Variants in NALF1 observed in about 807,000 individuals in gnomAD.
The protein encoded by NALF1 is family with sequence similarity 155 member A.
A neutral mutation model predicts 48.4 loss-of-function variants in NALF1; 3 were observed. The ratio of observed to expected loss-of-function variants is 0.06; its 90% CI spans 0.03 to 0.16. The LOEUF (loss-of-function observed/expected upper bound fraction) is 0.16, where lower values mean the gene tolerates loss of function less well. Ranked by LOEUF, NALF1 falls within the 10% of genes least tolerant of loss-of-function variation. The pLI is 1.00. For missense variants in NALF1, 526 were observed against 571.5 expected, an observed-to-expected ratio of 0.92 and a Z score of 0.81; for synonymous variants, 262 against 245.7, an observed-to-expected ratio of 1.07 and a Z score of -0.62.
chr13:107,668,394 G>C (rs936064513), intron 1 of NALF1, among the ~76,000 whole-genome samples: 1 of 152,000 alleles, frequency 6.6e-6, no homozygotes, highest in South Asian at 2.1e-4. Context: ...GCTTGTGGGT[G>C]AGTACAGGGA....
chr13:107,569,783 A>T (rs971065700), intron 1 of NALF1, among the ~76,000 whole-genome samples: 4 of 152,234 alleles, frequency 2.6e-5, no homozygotes, highest in Admixed American at 2.0e-4. Context: ...ATAAAGAAAC[A>T]TGCTGAGATT....
intron 1 of NALF1, among the ~76,000 whole-genome samples, chr13:107,493,634 A>AG (rs1477312974): frequency 1.3e-5 from 2 of 152,132 alleles, no homozygotes; most frequent in African/African-American, 4.8e-5. Context: ...ATGCAATCCC[A>AG]GGGAGAGTAA....
intron 1 of NALF1, among the ~76,000 whole-genome samples, chr13:107,380,326 T>C (rs1292745660): frequency 1.3e-5 from 2 of 152,210 alleles, no homozygotes; most frequent in Non-Finnish European, 1.5e-5. Context: ...ATTTATGTGA[T>C]AGTGATTACA....
intron 1 of NALF1, among the ~76,000 whole-genome samples, chr13:107,651,455 C>G (rs1566430405): frequency 6.6e-6 from 1 of 152,194 alleles, no homozygotes; most frequent in Non-Finnish European, 1.5e-5. Flanking sequence ...TGAGTTGCCT[C>G]TTTTTGTGAG....
chr13:107,706,148 G>C (rs1367208522), intron 1 of NALF1, among the ~76,000 whole-genome samples: 4 of 152,086 alleles, frequency 2.6e-5, no homozygotes, highest in Non-Finnish European at 5.9e-5. Flanking sequence ...GCAGGGAAAG[G>C]CAAAGCTGGG....
intron 1 of NALF1, among the ~76,000 whole-genome samples, chr13:107,796,806 A>G (rs1326306701): frequency 2.0e-5 from 3 of 152,206 alleles, no homozygotes; most frequent in African/African-American, 7.2e-5. Flanking sequence ...TTACCTGAAT[A>G]AAAACATAAA....
chr13:107,857,771 T>C (rs1354478500), intron 1 of NALF1, among the ~76,000 whole-genome samples: 3 of 152,196 alleles, frequency 2.0e-5, no homozygotes, highest in African/African-American at 7.2e-5. Flanking sequence ...ATATGCAAAG[T>C]CTGTTTATAA....
intron 1 of NALF1, among the ~76,000 whole-genome samples, chr13:107,753,648 G>C (rs895861726): frequency 1.3e-5 from 2 of 152,104 alleles, no homozygotes; most frequent in Non-Finnish European, 1.5e-5. Flanking sequence ...CGGATACACA[G>C]AATACTTTCT....
At chr13:107,204,728 T>C (rs868516687) in intron 2 of NALF1, among the ~76,000 whole-genome samples, 2 of 152,332 alleles carry the variant, frequency 1.3e-5, no homozygotes, top group East Asian at 3.9e-4. Context: ...TTAAATTTTA[T>C]TCTGGGCATA....
At chr13:107,611,520 T>A (rs1388726499) in intron 1 of NALF1, among the ~76,000 whole-genome samples, 3 of 152,096 alleles carry the variant, frequency 2.0e-5, no homozygotes, top group African/African-American at 7.2e-5. Context: ...AAGGAAATCT[T>A]GTCATATACT....
intron 1 of NALF1, among the ~76,000 whole-genome samples, chr13:107,246,919 C>T (rs1259079166): frequency 6.6e-6 from 1 of 152,132 alleles, no homozygotes; most frequent in Non-Finnish European, 1.5e-5. Context: ...GCATCTCTAT[C>T]ACAGTTGGGT....
At chr13:107,583,591 GT>G (rs1878373545) in intron 1 of NALF1, among the ~76,000 whole-genome samples, 1 of 152,092 alleles carries the variant, frequency 6.6e-6, no homozygotes, top group Admixed American at 6.5e-5. Context: ...TAAACAAATT[GT>G]TTGAGCTCTC....
chr13:107,567,050 A>G (rs565324471), intron 1 of NALF1, among the ~76,000 whole-genome samples: 1 of 152,356 alleles, frequency 6.6e-6, no homozygotes, highest in Admixed American at 6.5e-5. Flanking sequence ...ATTAAAGACA[A>G]ACATAATGAA....
chr13:107,390,552 G>A (rs996816873), intron 1 of NALF1, among the ~76,000 whole-genome samples: 2 of 152,016 alleles, frequency 1.3e-5, no homozygotes, highest in Admixed American at 6.6e-5. Context: ...CAGTGGTATT[G>A]CCTGGGCGAC....
chr13:107,744,707 GA>G (rs781436803), intron 1 of NALF1, among the ~76,000 whole-genome samples: 19 of 152,314 alleles, frequency 1.2e-4, no homozygotes, highest in Admixed American at 5.9e-4. Context: ...GCCAGCTTAA[GA>G]AATGTGCTTT....
At chr13:107,546,135 C>T (rs1467251506) in intron 1 of NALF1, among the ~76,000 whole-genome samples, 3 of 152,126 alleles carry the variant, frequency 2.0e-5, no homozygotes, top group Admixed American at 1.3e-4. Context: ...GATAAACCTG[C>T]CAACACCCAC....
chr13:107,659,024 T>C (rs1015377852), intron 1 of NALF1, among the ~76,000 whole-genome samples: 5 of 151,744 alleles, frequency 3.3e-5, no homozygotes, highest in African/African-American at 1.2e-4. Context: ...ATGTGCACCA[T>C]TATTTCTCCT....
chr13:107,312,473 A>C (rs1684458306), intron 1 of NALF1, among the ~76,000 whole-genome samples: 1 of 152,142 alleles, frequency 6.6e-6, no homozygotes, highest in Admixed American at 6.5e-5. Context: ...CCTAATGTAA[A>C]TGACGAGTTA....
chr13:107,659,739 C>A (rs1178020924), intron 1 of NALF1, among the ~76,000 whole-genome samples: 1 of 151,820 alleles, frequency 6.6e-6, no homozygotes, highest in Non-Finnish European at 1.5e-5. Flanking sequence ...GTAATATATT[C>A]TTCTCTAAAC....
Sources: allele counts gnomAD v4.1 joint callset (sites outside exome capture counted in the v4.1 genomes callset), GRCh38; gene constraint gnomAD v4.1.1; transcripts MANE v1.5; gene names NCBI Gene and HGNC (gene_info 2026-07-23, HGNC 2026-07-21).